Variants in GPHN observed in about 807,000 individuals in gnomAD.
GPHN encodes gephyrin.
In GPHN, 17 loss-of-function variants were observed where a neutral mutation model predicts 95.5. That is an observed-to-expected ratio of 0.18 (90% CI 0.12 to 0.27). The LOEUF is 0.27. GPHN is among the 10% of genes least tolerant of loss of function. GPHN has a pLI of 1.00. For missense variants in GPHN, 660 were observed against 978.1 expected, an observed-to-expected ratio of 0.67 and a Z score of 4.34; for synonymous variants, 320 against 322.5, an observed-to-expected ratio of 0.99 and a Z score of 0.08.
chr14:67,724,162 G>A, the GPHN span, among the ~76,000 whole-genome samples: 18,427 of 152,278 alleles, frequency 0.12, 1,428 homozygotes, highest in South Asian at 0.34. Context: ...CTAGAGATAA[G>A]AGCTAGATGT....
At chr14:67,503,113 A>G in the GPHN span, among the ~76,000 whole-genome samples, 1 of 152,158 alleles carries the variant, frequency 6.6e-6, no homozygotes, top group African/African-American at 2.4e-5. Context: ...AGAGATCAGG[A>G]TCTGTGTTTG....
intron 1 of GPHN, chr14:66,509,455 T>C (rs886421014): frequency 1.3e-5 from 2 of 152,234 alleles, no homozygotes; most frequent in African/African-American, 4.8e-5. Context: ...GAAAGCCGTG[T>C]GTGTTCTGCA....
chr14:66,585,760 G>T (rs1242368228), intron 1 of GPHN, among the ~76,000 whole-genome samples: 2 of 151,828 alleles, frequency 1.3e-5, no homozygotes, highest in South Asian at 2.1e-4. Flanking sequence ...GAGACAGTTT[G>T]TTATAATTTC....
At chr14:67,625,572 C>T in the GPHN span, among the ~76,000 whole-genome samples, 2 of 148,216 alleles carry the variant, frequency 1.3e-5, no homozygotes, top group South Asian at 2.2e-4. Flanking sequence ...CCCAACTACT[C>T]GGGAGGCTGA....
At chr14:67,082,602 G>A (rs546986180) in intron 11 of GPHN, among the ~76,000 whole-genome samples, 1 of 152,014 alleles carries the variant, frequency 6.6e-6, no homozygotes, top group Non-Finnish European at 1.5e-5. Context: ...AATTGTTTTG[G>A]CTATTTGGAG....
chr14:66,782,461 A>G (rs1337217494), intron 3 of GPHN, among the ~76,000 whole-genome samples: 1 of 152,148 alleles, frequency 6.6e-6, no homozygotes, highest in African/African-American at 2.4e-5. Flanking sequence ...AAGATGGAGT[A>G]GCTTTATTCC....
chr14:67,514,441 A>G, the GPHN span, among the ~76,000 whole-genome samples: 1 of 152,188 alleles, frequency 6.6e-6, no homozygotes. Flanking sequence ...GGGCAGGTGA[A>G]GAGCTGGCAG....
chr14:66,545,015 G>T (rs1388376719), intron 1 of GPHN, among the ~76,000 whole-genome samples: 2 of 152,156 alleles, frequency 1.3e-5, no homozygotes, highest in African/African-American at 4.8e-5. Flanking sequence ...GCAACCATCC[G>T]ATTTCTCACT....
At chr14:67,690,908 TA>T in the GPHN span, 1 of 528,420 alleles carries the variant, frequency 1.9e-6, no homozygotes, top group Non-Finnish European at 3.4e-6. Context: ...ATTAGTCTGT[TA>T]AAAAATGCGC....
chr14:66,639,580 G>A (rs72726444), intron 1 of GPHN, among the ~76,000 whole-genome samples: 8,809 of 150,642 alleles, frequency 0.058, 355 homozygotes, highest in Middle Eastern at 0.1. Flanking sequence ...AAATTACATA[G>A]TCCATCTGAC....
chr14:67,025,870 C>T (rs1408056747), intron 10 of GPHN, among the ~76,000 whole-genome samples: 1 of 152,182 alleles, frequency 6.6e-6, no homozygotes, highest in Non-Finnish European at 1.5e-5. Context: ...CAAATGTGAA[C>T]AAGCTCTCAC....
chr14:66,844,247 G>C (rs1427685055), intron 4 of GPHN, among the ~76,000 whole-genome samples: 3 of 151,908 alleles, frequency 2.0e-5, no homozygotes, highest in African/African-American at 7.3e-5. Flanking sequence ...TTGTATGTTG[G>C]GTAAACCTTT....
chr14:67,639,817 T>C, the GPHN span, among the ~76,000 whole-genome samples: 1 of 149,926 alleles, frequency 6.7e-6, no homozygotes, highest in African/African-American at 2.5e-5. Context: ...CCCAGCTACT[T>C]GGGAGGCTGA....
chr14:67,193,059 T>TATCA, the GPHN span, among the ~76,000 whole-genome samples: 3 of 144,936 alleles, frequency 2.1e-5, no homozygotes, highest in African/African-American at 5.0e-5. Context: ...GATATATCTC[T>TATCA]ATATCTATAT....
At chr14:67,486,504 A>G in the GPHN span, among the ~76,000 whole-genome samples, 3 of 152,116 alleles carry the variant, frequency 2.0e-5, no homozygotes, top group African/African-American at 7.2e-5. Flanking sequence ...CAATCTGTTG[A>G]CCTTGCGATC....
chr14:67,606,093 T>G, the GPHN span, among the ~76,000 whole-genome samples: 1 of 152,242 alleles, frequency 6.6e-6, no homozygotes, highest in Non-Finnish European at 1.5e-5. Flanking sequence ...CCGACATTAA[T>G]CTACCATAGT....
At chr14:67,607,542 T>G in the GPHN span, among the ~76,000 whole-genome samples, 97 of 152,258 alleles carry the variant, frequency 6.4e-4, 1 homozygote, top group Non-Finnish European at 1.1e-3. Flanking sequence ...AATGTTTGTA[T>G]TTTTAGTAGA....
chr14:67,412,090 G>A, the GPHN span: 2 of 1,500,224 alleles, frequency 1.3e-6, no homozygotes, highest in South Asian at 2.5e-5. Flanking sequence ...GCCACCCCAG[G>A]TGCGCCTTCC....
At chr14:67,275,498 G>C in the GPHN span, among the ~76,000 whole-genome samples, 1 of 152,132 alleles carries the variant, frequency 6.6e-6, no homozygotes, top group Non-Finnish European at 1.5e-5. Context: ...TAAGCTTTTC[G>C]ATGTGCTGCT....
Sources: gnomAD v4.1 joint callset for allele counts (sites outside exome capture counted in the v4.1 genomes callset) on GRCh38, gnomAD v4.1.1 for gene constraint, MANE v1.5 for transcripts, NCBI Gene and HGNC (gene_info 2026-07-23, HGNC 2026-07-21) for gene names.